NPAS3: variants seen among roughly 807,000 people sequenced by gnomAD.
NPAS3 encodes neuronal PAS domain-containing protein 3.
NPAS3 carries 14 observed loss-of-function variants against 73.1 expected under a neutral mutation model. That is an observed-to-expected ratio of 0.19 (90% confidence interval 0.13 to 0.30). The LOEUF (loss-of-function observed/expected upper bound fraction) is 0.30. Ranked by LOEUF, NPAS3 falls within the 10% of genes least tolerant of loss-of-function variation. The pLI is 1.00. For missense variants in NPAS3, 1,096 were observed against 1,250.0 expected, an observed-to-expected ratio of 0.88 and a Z score of 1.86; for synonymous variants, 620 against 541.5, an observed-to-expected ratio of 1.14 and a Z score of -2.01.
intron 4 of NPAS3, among the ~76,000 whole-genome samples, chr14:33,390,466 A>G (rs1594819053): frequency 6.6e-6 from 1 of 152,196 alleles, no homozygotes; most frequent in South Asian, 2.1e-4. Context: ...CAATATTTCT[A>G]TCAGCAATAT....
intron 4 of NPAS3, among the ~76,000 whole-genome samples, chr14:33,378,740 T>TG (rs1228280611): frequency 6.6e-5 from 10 of 152,114 alleles, no homozygotes; most frequent in African/African-American, 2.2e-4. Context: ...TAGTCAGAAA[T>TG]GGGGGAGGAG....
intron 3 of NPAS3, among the ~76,000 whole-genome samples, chr14:33,315,206 C>A (rs534633982): frequency 5.0e-4 from 76 of 152,064 alleles, no homozygotes; most frequent in Non-Finnish European, 7.8e-4. Flanking sequence ...AGGGAGCCAG[C>A]AAACAAATGT....
intron 1 of NPAS3, among the ~76,000 whole-genome samples, chr14:32,950,160 A>G (rs1423463976): frequency 6.6e-6 from 1 of 152,064 alleles, no homozygotes; most frequent in Non-Finnish European, 1.5e-5. Flanking sequence ...TCTTAGGTCC[A>G]TGACAATCAT....
At chr14:33,391,257 G>C (rs867207155) in intron 4 of NPAS3, among the ~76,000 whole-genome samples, 2 of 143,072 alleles carry the variant, frequency 1.4e-5, no homozygotes, top group African/African-American at 5.3e-5. Context: ...GCAATGGCGC[G>C]ATCTCGGCTT....
intron 3 of NPAS3, among the ~76,000 whole-genome samples, chr14:33,352,943 G>C (rs150096599): frequency 6.6e-6 from 1 of 152,246 alleles, no homozygotes; most frequent in Admixed American, 6.5e-5. Context: ...GGTCTTATCA[G>C]AATCTGAAAA....
chr14:33,615,484 A>G (rs1458318410), intron 5 of NPAS3, among the ~76,000 whole-genome samples: 7 of 152,138 alleles, frequency 4.6e-5, no homozygotes, highest in Non-Finnish European at 2.9e-5. Context: ...ATATTGAGAG[A>G]AAAGAGAAAG....
chr14:33,072,696 A>C (rs917992342), intron 2 of NPAS3, among the ~76,000 whole-genome samples: 3 of 152,234 alleles, frequency 2.0e-5, no homozygotes, highest in African/African-American at 7.2e-5. Flanking sequence ...ATAGCAGGGG[A>C]TGCTGTGGGT....
chr14:33,746,502 C>T (rs968350338), intron 7 of NPAS3, among the ~76,000 whole-genome samples: 1 of 140,212 alleles, frequency 7.1e-6, no homozygotes. Flanking sequence ...CTGACTCATT[C>T]TTTTTTTTTT....
At chr14:33,594,882 G>C (rs1283867936) in intron 5 of NPAS3, among the ~76,000 whole-genome samples, 5 of 152,076 alleles carry the variant, frequency 3.3e-5, no homozygotes, top group Non-Finnish European at 7.4e-5. Context: ...AAATGTAGCT[G>C]GTGTTTCAGG....
intron 5 of NPAS3, among the ~76,000 whole-genome samples, chr14:33,651,562 T>TA (rs2058994879): frequency 6.6e-6 from 1 of 152,102 alleles, no homozygotes. Context: ...AACCCACAAG[T>TA]ATATAGCTTT....
chr14:33,295,855 G>A (rs2042276439), intron 3 of NPAS3, among the ~76,000 whole-genome samples: 1 of 152,202 alleles, frequency 6.6e-6, no homozygotes, highest in South Asian at 2.1e-4. Context: ...GAAGCAGACA[G>A]TCAGAATACA....
intron 1 of NPAS3, among the ~76,000 whole-genome samples, chr14:32,997,835 G>A (rs564235904): frequency 2.8e-4 from 43 of 151,418 alleles, no homozygotes; most frequent in South Asian, 4.2e-4. Flanking sequence ...CCCTGGCCAC[G>A]TGGAACTGTG....
At chr14:33,073,506 T>C (rs1233206837) in intron 2 of NPAS3, among the ~76,000 whole-genome samples, 4 of 152,086 alleles carry the variant, frequency 2.6e-5, no homozygotes, top group Non-Finnish European at 5.9e-5. Flanking sequence ...AGTGCCTAAG[T>C]TTTTCAGTTC....
chr14:33,262,899 C>A (rs1023145224), intron 3 of NPAS3, among the ~76,000 whole-genome samples: 2 of 151,964 alleles, frequency 1.3e-5, no homozygotes, highest in African/African-American at 4.8e-5. Context: ...TTTCATGTGT[C>A]TTTTGGCTGC....
intron 6 of NPAS3, among the ~76,000 whole-genome samples, chr14:33,696,475 G>A (rs886405108): frequency 2.0e-5 from 3 of 152,278 alleles, no homozygotes; most frequent in East Asian, 1.9e-4. Flanking sequence ...AACATGAAGC[G>A]TTTCATTTGA....
intron 2 of NPAS3, among the ~76,000 whole-genome samples, chr14:33,145,024 T>C: frequency 6.6e-6 from 1 of 152,218 alleles, no homozygotes; most frequent in East Asian, 1.9e-4. Flanking sequence ...CATTTTCCTC[T>C]TAGTTAAATC....
intron 5 of NPAS3, among the ~76,000 whole-genome samples, chr14:33,617,371 G>T (rs892284290): frequency 6.6e-6 from 1 of 152,114 alleles, no homozygotes; most frequent in African/African-American, 2.4e-5. Context: ...GGATGAACTC[G>T]TTGCTTGCTC....
intron 2 of NPAS3, among the ~76,000 whole-genome samples, chr14:33,069,847 G>C (rs1268975880): frequency 6.6e-6 from 1 of 152,116 alleles, no homozygotes; most frequent in Non-Finnish European, 1.5e-5. Context: ...CAAGTTACCT[G>C]GTTAATGAAT....
At chr14:33,075,426 T>C (rs1173050811) in intron 2 of NPAS3, among the ~76,000 whole-genome samples, 2 of 152,232 alleles carry the variant, frequency 1.3e-5, no homozygotes, top group Non-Finnish European at 2.9e-5. Context: ...ATTGTACCAT[T>C]AAAGTTCTTC....
Sources: allele counts gnomAD v4.1 joint callset (sites outside exome capture counted in the v4.1 genomes callset), GRCh38; gene constraint gnomAD v4.1.1; transcripts MANE v1.5; gene names NCBI Gene and HGNC (gene_info 2026-07-23, HGNC 2026-07-21).